LRRC74A: variants seen among roughly 807,000 people sequenced by gnomAD.
LRRC74A encodes the protein leucine-rich repeat-containing protein 74A.
A neutral mutation model predicts 57.9 loss-of-function variants in LRRC74A; 44 were observed. The ratio of observed to expected loss-of-function variants is 0.76; its 90% CI spans 0.60 to 0.98. The LOEUF is 0.98. Ranked by LOEUF, LRRC74A falls within the 50% of genes least tolerant of loss-of-function variation. The pLI, the probability that LRRC74A is intolerant of heterozygous loss-of-function variation, is 0.00. For missense variants in LRRC74A, 572 were observed against 574.0 expected (o/e 1.00, Z 0.04); for synonymous variants, 211 against 219.4 (o/e 0.96, Z 0.34).
intron 7 of LRRC74A, among the ~76,000 whole-genome samples, chr14:76,851,942 G>T (rs983607487): frequency 1.3e-5 from 2 of 152,202 alleles, no homozygotes; most frequent in African/African-American, 4.8e-5. Flanking sequence ...GGGATTACAG[G>T]TGTGAGCCAC....
chr14:76,831,631 CTT>C (rs1895981506), intron 3 of LRRC74A, among the ~76,000 whole-genome samples: 2 of 152,130 alleles, frequency 1.3e-5, no homozygotes, highest in Admixed American at 1.3e-4. Context: ...TCTATATACT[CTT>C]TGCTGTTCAG....
intron 3 of LRRC74A, among the ~76,000 whole-genome samples, chr14:76,833,800 G>A (rs368997150): frequency 5.3e-5 from 8 of 152,150 alleles, no homozygotes; most frequent in African/African-American, 1.9e-4. Flanking sequence ...ATTAGTTATT[G>A]TTACCCTCTT....
In LRRC74A at chr14:76,857,087, G is replaced by T. The variant is rs1897951987; in HGVS notation, c.958-293G>T. Among the ~76,000 whole-genome samples, 3 of 133,290 alleles carry T rather than the reference G, an allele frequency of 2.3e-5. No individual in the cohort carries two copies. The South Asian group carries it at 8.6e-4, about 38-fold the overall frequency. The allele number at this position is 133,290 out of a possible 152,430, so 87.4% of individuals were successfully genotyped here. ...GATGGATAGATGGTTGGATGGATGA[G>T]CAGTGAGATGGACAGATGGTGGGTA... On this transcript the variant is annotated intron_variant, in intron 9 of 13. Transcript: ENST00000689127.
chr14:76,864,371 C>G, intron 11 of LRRC74A, among the ~76,000 whole-genome samples: 1 of 128,620 alleles, frequency 7.8e-6, no homozygotes, highest in East Asian at 2.3e-4. Context: ...GCTATCGATA[C>G]AGTAGGACGC....
Position 76,841,324 on chromosome 14 carries a change from G to A in LRRC74A, c.545-3099G>A, listed in dbSNP as rs377162106. Among the ~76,000 whole-genome samples, 5 of 152,366 alleles carry A rather than the reference G, an allele frequency of 3.3e-5. No homozygotes were observed. In the East Asian group the frequency reaches 5.8e-4, roughly 18 times the overall value. ...CCCAGAGTGCTGGGATTACAGGCAT[G>A]AGCCACTGTGCCCAGCCAATAAATA... On this transcript the variant is annotated intron_variant, in intron 5 of 13. Transcript: ENST00000689127.
chr14:76,862,450 ACG>A (rs1898387165), intron 11 of LRRC74A, among the ~76,000 whole-genome samples: 1 of 454 alleles, frequency 2.2e-3, no homozygotes, highest in East Asian at 0.083. Context: ...GAATCGCTCG[ACG>A]CTTGAACCCA....
chr14:76,845,659 A>G (rs1302187474), intron 7 of LRRC74A, among the ~76,000 whole-genome samples: 1 of 152,246 alleles, frequency 6.6e-6, no homozygotes, highest in African/African-American at 2.4e-5. Context: ...AAAAATTCCC[A>G]TATTTGACAA....
chr14:76,838,393 A>G (rs2140270326), intron 5 of LRRC74A, among the ~76,000 whole-genome samples: 1 of 152,366 alleles, frequency 6.6e-6, no homozygotes, highest in East Asian at 1.9e-4. Context: ...AAAAATTTAT[A>G]GTCACTGATA....
chr14:76,838,009 TC>T lies in LRRC74A; in HGVS notation c.544+39del, dbSNP rs1566721602. 30 of 1,325,290 alleles carry T rather than the reference TC, an allele frequency of 2.3e-5. No individual in the cohort carries two copies. The South Asian group carries it at 3.8e-4, about 17-fold the overall frequency. 82.1% of individuals were successfully genotyped at this position (1,325,290 alleles called of 1,614,324 possible). A position where few individuals can be genotyped will look rare whatever the true frequency, so the allele number is the denominator to read the frequency against. ...AAAGGGAGGGAGAAGACACTGGGAATCAGAGGGAGGGAAGAGGGGAAAAACA... is the reference window on the plus strand; with the variant it reads ...AAAGGGAGGGAGAAGACACTGGGAATAGAGGGAGGGAAGAGGGGAAAAACA... On this transcript the variant is annotated intron_variant, in intron 5 of 13. Transcript: ENST00000689127.
chr14:76,852,250 T>C (rs1897548261), intron 7 of LRRC74A, 115 bp from the exon 8 acceptor site: 1 of 671,118 alleles, frequency 1.5e-6, no homozygotes, highest in Non-Finnish European at 2.4e-6. Context: ...TCTGAGAATT[T>C]TACTTGCATG....
Position 76,826,577 on chromosome 14 carries a change from C to A in LRRC74A, c.-121C>A, listed in dbSNP as rs758461408. ...GATAACTGCAGGCTCCCCTGGGATGCCCCCAGGTGAGGGAAGTTCACAGAG... is the reference window on the plus strand; with the variant it reads ...GATAACTGCAGGCTCCCCTGGGATGACCCCAGGTGAGGGAAGTTCACAGAG... On this transcript the variant is annotated 5_prime_UTR_variant, in exon 1 of 14. Transcript: ENST00000689127. 11 of 1,612,282 alleles carry A rather than the reference C, an allele frequency of 6.8e-6. No homozygotes were observed. The highest frequency in any genetic ancestry group is 1.6e-4 in the Middle Eastern group (1 of 6,080).
At chr14:76,845,668 A>G (rs1440927338) in intron 7 of LRRC74A, among the ~76,000 whole-genome samples, 1 of 152,218 alleles carries the variant, frequency 6.6e-6, no homozygotes, top group Non-Finnish European at 1.5e-5. Context: ...CATATTTGAC[A>G]ACAATACATT....
chr14:76,828,263 CA>C, intron 1 of LRRC74A, 27 bp from the exon 2 acceptor site: 1 of 1,566,446 alleles, frequency 6.4e-7, no homozygotes, highest in African/African-American at 1.4e-5. Flanking sequence ...TTATTCCTGG[CA>C]TCAAGGAGAT....
intron 7 of LRRC74A, among the ~76,000 whole-genome samples, chr14:76,846,692 A>G (rs558949457): frequency 6.6e-6 from 1 of 152,260 alleles, no homozygotes; most frequent in Admixed American, 6.5e-5. Flanking sequence ...AGAGAGAGAT[A>G]GACTCATGGT....
intron 11 of LRRC74A, among the ~76,000 whole-genome samples, chr14:76,861,073 A>G (rs991758005): frequency 1.3e-4 from 20 of 152,278 alleles, no homozygotes; most frequent in South Asian, 2.1e-4. Context: ...GATCTAGCTG[A>G]AGGGGGCAGG....
intron 7 of LRRC74A, among the ~76,000 whole-genome samples, chr14:76,847,579 CTG>C (rs1471717957): frequency 8.3e-6 from 1 of 119,806 alleles, no homozygotes; most frequent in African/African-American, 2.9e-5. Context: ...GGAAAAATAA[CTG>C]AGTACTAGGC....
chr14:76,868,601 G>A (rs1899147569), intron 13 of LRRC74A, among the ~76,000 whole-genome samples: 1 of 152,162 alleles, frequency 6.6e-6, no homozygotes, highest in Admixed American at 6.5e-5. Context: ...CCAGACGAAG[G>A]ACACAGTTGC....
intron 7 of LRRC74A, among the ~76,000 whole-genome samples, chr14:76,849,572 C>T (rs978157680): frequency 1.3e-5 from 2 of 151,192 alleles, no homozygotes; most frequent in African/African-American, 2.4e-5. Context: ...GAGGCCGAGG[C>T]GGGTGGATCA....
chr14:76,852,317 G>C, intron 7 of LRRC74A, 48 bp from the exon 8 acceptor site: 1 of 1,463,360 alleles, frequency 6.8e-7, no homozygotes, highest in Non-Finnish European at 9.5e-7. Context: ...CTGAGAATGG[G>C]TTTTCTGGGC....
Sources: gnomAD v4.1 joint callset for allele counts (sites outside exome capture counted in the v4.1 genomes callset) on GRCh38, gnomAD v4.1.1 for gene constraint, MANE v1.5 for transcripts, NCBI Gene and HGNC (gene_info 2026-07-23, HGNC 2026-07-21) for gene names.